TMX2: variants seen among roughly 807,000 people sequenced by gnomAD.
TMX2 encodes thioredoxin-related transmembrane protein 2.
In TMX2, 20 loss-of-function variants were observed where a neutral mutation model predicts 33.4. The ratio of observed to expected loss-of-function variants is 0.60; its 90% CI spans 0.42 to 0.87. The LOEUF is 0.87. Ranked by LOEUF, TMX2 falls within the 40% of genes least tolerant of loss-of-function variation. The probability of loss-of-function intolerance (pLI) is 0.00; values close to 1 mark genes in which losing one functional copy is unlikely to be tolerated. For missense variants in TMX2, 340 were observed against 370.7 expected (o/e 0.92, Z 0.68); for synonymous variants, 166 against 140.7 (o/e 1.18, Z -1.27).
chr11:57,724,633 C>T (rs1274143627), intron 1 of TMX2, among the ~76,000 whole-genome samples: 1 of 151,470 alleles, frequency 6.6e-6, no homozygotes, highest in Non-Finnish European at 1.5e-5. Flanking sequence ...AAAAGGCTTC[C>T]TGGGACCAGA....
Position 57,726,799 on chromosome 11 carries a change from A to AT in TMX2, c.190-10808dup, listed in dbSNP as rs1238018751. Among the ~76,000 whole-genome samples the AT allele has an allele frequency of 2.6e-5, 4 of 152,206 alleles. No individual in the cohort carries two copies. In the East Asian group the frequency reaches 7.7e-4, roughly 29 times the overall value. The stretch of plus-strand genomic sequence containing the variant: ...TATCCTCCCTCAGGATGCTATACCT[A>AT]TGGAGATAAATTGGCGGAAAGAGAG... On this transcript the variant is annotated intron_variant, in intron 1 of 7. Transcript: ENST00000278422.
chr11:57,718,175 C>G, intron 1 of TMX2: 1 of 1,260,662 alleles, frequency 7.9e-7, no homozygotes, highest in Non-Finnish European at 1.2e-6. Context: ...CATCCAACCA[C>G]TCACTCTTGG....
intron 1 of TMX2, among the ~76,000 whole-genome samples, chr11:57,728,001 T>TTTCTTAAATG (rs1276430487): frequency 6.6e-6 from 1 of 151,012 alleles, no homozygotes; most frequent in Non-Finnish European, 1.5e-5. Context: ...AACCAATGTA[T>TTTCTTAAATG]TTCTTAAATG....
At chr11:57,734,686 T>C (rs993144676) in intron 1 of TMX2, among the ~76,000 whole-genome samples, 1 of 151,550 alleles carries the variant, frequency 6.6e-6, no homozygotes, top group Admixed American at 6.6e-5. Context: ...AGGCAAAGGT[T>C]GCACTGAGCT....
chr11:57,715,577 A>ATTTCTT (rs1297495836), intron 1 of TMX2, among the ~76,000 whole-genome samples: 2 of 107,628 alleles, frequency 1.9e-5, no homozygotes, highest in African/African-American at 7.9e-5. Context: ...ACCTCTTAGA[A>ATTTCTT]TTTGTTTTCT....
intron 1 of TMX2, among the ~76,000 whole-genome samples, chr11:57,726,362 G>A (rs1173402570): frequency 6.6e-6 from 1 of 151,796 alleles, no homozygotes; most frequent in Admixed American, 6.6e-5. Flanking sequence ...GCAGTGAGCC[G>A]AGATCACGCC....
chr11:57,722,708 G>C (rs1166783569), intron 1 of TMX2, among the ~76,000 whole-genome samples: 2 of 151,462 alleles, frequency 1.3e-5, no homozygotes, highest in African/African-American at 4.9e-5. Context: ...AAACTCTCCA[G>C]TGATTTAAAA....
chr11:57,715,272 G>T (rs1261464443), intron 1 of TMX2, among the ~76,000 whole-genome samples: 1 of 152,008 alleles, frequency 6.6e-6, no homozygotes, highest in African/African-American at 2.4e-5. Context: ...GTGGTGGTGG[G>T]TGCCTGTAAT....
chr11:57,737,976 T>A lies in TMX2; in HGVS notation c.314T>A (p.Phe105Tyr), dbSNP rs3198514. The A allele has an allele frequency of 1.9e-6, 3 of 1,614,162 alleles. No individual in the cohort carries two copies. Among genetic ancestry groups the A allele is most frequent in the Non-Finnish European group, 2.5e-6 (3 of 1,180,004 alleles). ...MFSKVANTIL[F>Y]FRLDIRMGLL... ...AGTAAAGTGGCCAACACAATTCTTT[T>A]CTTCCGCTTGGATATTCGCATGGGC... Residue 105 changes from phenylalanine to tyrosine, a missense_variant, in exon 3 of 8, where the codon TTC becomes TAC. Phe to Tyr is a conservative substitution (Grantham distance 22). Around this residue, in one of 3 missense-constraint regions of TMX2, gnomAD observed 209 missense variants for 241.6 expected, o/e 0.87. Coordinates refer to ENST00000278422, the MANE Select transcript of TMX2 (RefSeq NM_015959.4).
chr11:57,727,462 A>AT lies in TMX2; in HGVS notation c.190-10138dup, dbSNP rs574617104. 2.3e-4 allele frequency among the ~76,000 whole-genome samples: 35 copies of AT among 151,278 alleles called. No individual in the cohort carries two copies. In the South Asian group the frequency reaches 6.2e-3, roughly 27 times the overall value. ...AGAGGGGACTGAGGACTAAGCTATG[A>AT]TTTTTTTTATCTTGCCCAAATTCCT... is the stretch of plus-strand genomic sequence containing the variant. On this transcript the variant is annotated intron_variant, in intron 1 of 7. Transcript: ENST00000278422.
At chr11:57,726,657 C>T (rs2135545405) in intron 1 of TMX2, among the ~76,000 whole-genome samples, 1 of 152,268 alleles carries the variant, frequency 6.6e-6, no homozygotes, top group South Asian at 2.1e-4. Context: ...AAAACCTTTT[C>T]TCCCAAATAC....
rs1192577286 is a variant in TMX2 at position 57,738,005 on chromosome 11, C to G, written c.343C>G (p.Leu115Val). The change falls in exon 3 of 8, where the codon CTT (leucine) becomes GTT (valine). Residue 115 changes from leucine to valine, a missense_variant. By Grantham distance (32) the Leu-to-Val change is conservative. Around this residue, in one of 3 missense-constraint regions of TMX2, gnomAD observed 209 missense variants for 241.6 expected, o/e 0.87. Transcript: ENST00000278422. ...FFRLDIRMGLLYITLCIVFLM... is the reference protein window; with the variant it reads ...FFRLDIRMGLVYITLCIVFLM... ...CCGCTTGGATATTCGCATGGGCCTA[C>G]TTTACATCACACTCTGCATAGGTGA... The G allele has an allele frequency of 1.2e-6, 2 of 1,612,734 alleles. No individual in the cohort carries two copies. Among genetic ancestry groups the G allele is most frequent in the African/African-American group, 2.7e-5 (2 of 74,758 alleles).
intron 1 of TMX2, among the ~76,000 whole-genome samples, chr11:57,735,754 A>G (rs957180649): frequency 7.2e-5 from 11 of 152,204 alleles, no homozygotes; most frequent in Admixed American, 6.5e-4. Context: ...CATAAGACCC[A>G]TGTTCAAAAG....
intron 1 of TMX2, among the ~76,000 whole-genome samples, chr11:57,736,515 T>C (rs1948759971): frequency 6.6e-6 from 1 of 152,030 alleles, no homozygotes; most frequent in African/African-American, 2.4e-5. Flanking sequence ...TTTTGAGAGC[T>C]CTGAAAGCCC....
chr11:57,734,437 C>T (rs1948617346), intron 1 of TMX2, among the ~76,000 whole-genome samples: 1 of 152,132 alleles, frequency 6.6e-6, no homozygotes, highest in South Asian at 2.1e-4. Context: ...CCCTGGTTAA[C>T]TACAACTCTC....
chr11:57,729,932 A>AC (rs1332017778), intron 1 of TMX2, among the ~76,000 whole-genome samples: 2 of 151,448 alleles, frequency 1.3e-5, no homozygotes, highest in Non-Finnish European at 1.5e-5. Flanking sequence ...ACATGGTGAA[A>AC]CCCCGTCTCT....
intron 7 of TMX2, among the ~76,000 whole-genome samples, chr11:57,739,804 A>G (rs1271892711): frequency 6.6e-6 from 1 of 152,090 alleles, no homozygotes; most frequent in Non-Finnish European, 1.5e-5. Context: ...TATTGTCTGT[A>G]GGTGTTAGGT....
At chr11:57,731,111 G>GT (rs1261188825) in intron 1 of TMX2, among the ~76,000 whole-genome samples, 5 of 104,820 alleles carry the variant, frequency 4.8e-5, no homozygotes, top group Non-Finnish European at 9.5e-5. Context: ...CACTCTTTCC[G>GT]TTTTTTGTTT....
intron 1 of TMX2, among the ~76,000 whole-genome samples, chr11:57,729,193 T>C (rs1948194427): frequency 6.6e-6 from 1 of 152,166 alleles, no homozygotes; most frequent in African/African-American, 2.4e-5. Flanking sequence ...TTTCGGGTCC[T>C]TCATAGGTTT....
Sources: gnomAD v4.1 joint callset for allele counts (sites outside exome capture counted in the v4.1 genomes callset) on GRCh38, gnomAD v4.1.1 for gene constraint, gnomAD v4.1.1 regional missense constraint, MANE v1.5 for transcripts, NCBI Gene and HGNC (gene_info 2026-07-23, HGNC 2026-07-21) for gene names.